CAMTA1: variants seen among roughly 807,000 people sequenced by gnomAD.
CAMTA1 encodes calmodulin binding transcription activator 1.
In CAMTA1, 27 loss-of-function variants were observed where a neutral mutation model predicts 170.9. That is an observed-to-expected ratio of 0.16 (90% confidence interval 0.12 to 0.22). The LOEUF is 0.22. Among genes scored for constraint, CAMTA1 ranks in the 10% least tolerant of loss-of-function variants. CAMTA1 has a pLI of 1.00. For missense variants in CAMTA1, 1,619 were observed against 2,217.2 expected (o/e 0.73, Z 5.42); for synonymous variants, 833 against 891.5 (o/e 0.93, Z 1.17).
chr1:7,369,452 C>T (rs1172570402), intron 5 of CAMTA1, among the ~76,000 whole-genome samples: 1 of 152,110 alleles, frequency 6.6e-6, no homozygotes, highest in Non-Finnish European at 1.5e-5. Flanking sequence ...GAAGGACTCA[C>T]AGAACTTGCT....
Position 7,249,167 on chromosome 1 carries a change from C to G in CAMTA1, c.303-324C>G, listed in dbSNP as rs562861744. On this transcript the variant is annotated intron_variant, in intron 4 of 22. Coordinates refer to ENST00000303635, the MANE Select transcript of CAMTA1 (RefSeq NM_015215.4). The surrounding 1 kb of genome is among the most constrained non-coding windows in gnomAD (Gnocchi z 4.4). The stretch of plus-strand genomic sequence containing the variant: ...CGACACCCCTGGCTCTTTTTGCTTT[C>G]TGTCTCTGTTTTGCCTACTTTTCAG... 6.6e-6 allele frequency among the ~76,000 whole-genome samples: 1 copy of G among 152,258 alleles called. No homozygotes were observed. The highest frequency in any genetic ancestry group is 2.1e-4 in the South Asian group (1 of 4,824).
intron 6 of CAMTA1, among the ~76,000 whole-genome samples, chr1:7,625,312 G>A (rs184997959): frequency 5.3e-5 from 8 of 152,376 alleles, no homozygotes; most frequent in Admixed American, 4.6e-4. Flanking sequence ...CAGGATGCCT[G>A]CCCGTCTCTC....
intron 4 of CAMTA1, among the ~76,000 whole-genome samples, chr1:7,099,125 T>G (rs1312186894): frequency 1.3e-5 from 2 of 151,236 alleles, no homozygotes; most frequent in East Asian, 3.9e-4. Context: ...CTCGGCTCAC[T>G]GCAACCTCCA....
At chr1:7,406,025 A>G (rs1162820449) in intron 5 of CAMTA1, among the ~76,000 whole-genome samples, 2 of 152,236 alleles carry the variant, frequency 1.3e-5, no homozygotes, top group Non-Finnish European at 2.9e-5. Flanking sequence ...GACTCACAGA[A>G]CACTCTGGAC....
intron 5 of CAMTA1, among the ~76,000 whole-genome samples, chr1:7,280,937 A>G (rs1671418314): frequency 6.6e-6 from 1 of 152,230 alleles, no homozygotes; most frequent in Admixed American, 6.5e-5. Context: ...CTGCTGAAAA[A>G]CAAAAACACA....
Position 7,319,095 on chromosome 1 carries a change from G to A in CAMTA1, c.438+69469G>A, listed in dbSNP as rs573607107. 1.3e-4 allele frequency among the ~76,000 whole-genome samples: 20 copies of A among 152,248 alleles called. No homozygotes were observed. The South Asian group carries it at 4.2e-3, about 32-fold the overall frequency. ...TGGAGTCCTCAGTCTAGGGGAGGGG[G>A]GAAGGCAGACACTGAATGACCAGCT... is the stretch of plus-strand genomic sequence containing the variant. On this transcript the variant is annotated intron_variant, in intron 5 of 22. Coordinates refer to ENST00000303635, the MANE Select transcript of CAMTA1 (RefSeq NM_015215.4).
intron 11 of CAMTA1, among the ~76,000 whole-genome samples, chr1:7,725,770 T>A (rs1401685935): frequency 6.6e-6 from 1 of 152,178 alleles, no homozygotes; most frequent in Non-Finnish European, 1.5e-5. Flanking sequence ...ACCAAAACTC[T>A]GGGAATAGGG....
intron 11 of CAMTA1, among the ~76,000 whole-genome samples, chr1:7,684,692 T>C (rs970712364): frequency 2.0e-5 from 3 of 152,246 alleles, no homozygotes; most frequent in Admixed American, 6.5e-5. Context: ...CTTAATGAAT[T>C]ACTAATTACA....
intron 4 of CAMTA1, among the ~76,000 whole-genome samples, chr1:7,206,615 T>C (rs1385075693): frequency 6.6e-6 from 1 of 152,232 alleles, no homozygotes; most frequent in Non-Finnish European, 1.5e-5. Flanking sequence ...TTCCATTGTA[T>C]AAATATATCA....
rs185821033 is a variant in CAMTA1, at chr1:7,626,476, C to G, written c.511-13924C>G. ...TAAACAGAAAGCCCACCAAACATCTCGGGACCCTACTCATAGTCAAGGTTG... is the reference window on the plus strand; with the variant it reads ...TAAACAGAAAGCCCACCAAACATCTGGGGACCCTACTCATAGTCAAGGTTG... On this transcript the variant is annotated intron_variant, in intron 6 of 22. Transcript: ENST00000303635. Among the ~76,000 whole-genome samples, 4 of 152,322 alleles carry G rather than the reference C, an allele frequency of 2.6e-5. No individual in the cohort carries two copies. The East Asian group carries it at 7.7e-4, about 29-fold the overall frequency.
At chr1:7,187,658 G>A (rs1481748224) in intron 4 of CAMTA1, among the ~76,000 whole-genome samples, 1 of 152,170 alleles carries the variant, frequency 6.6e-6, no homozygotes, top group South Asian at 2.1e-4. Flanking sequence ...AGGCACATCA[G>A]TTCACCTGCC....
Position 7,458,119 on chromosome 1 carries a change from T to G in CAMTA1, c.439-9711T>G, listed in dbSNP as rs367776396. Among the ~76,000 whole-genome samples, 51 of 152,286 alleles carry G rather than the reference T, an allele frequency of 3.3e-4. 1 individual carries two copies. In the South Asian group the frequency reaches 0.01, roughly 30 times the overall value. ...CCAGCTTTTTGACGTTTGCTGCCGT[T>G]CCTGGTTTCTATCTGCTCTTCAATC... On this transcript the variant is annotated intron_variant, in intron 5 of 22. Transcript: ENST00000303635.
chr1:7,700,372 G>A (rs1046542437), intron 11 of CAMTA1, among the ~76,000 whole-genome samples: 2 of 152,134 alleles, frequency 1.3e-5, no homozygotes, highest in African/African-American at 4.8e-5. Flanking sequence ...TACTGAATAT[G>A]CATCTTGCTC....
intron 5 of CAMTA1, among the ~76,000 whole-genome samples, chr1:7,465,060 T>C (rs1408358255): frequency 1.3e-5 from 2 of 152,196 alleles, no homozygotes; most frequent in Admixed American, 6.5e-5. Context: ...TGTAGAGCCA[T>C]TTTTCAAGGT....
intron 3 of CAMTA1, among the ~76,000 whole-genome samples, chr1:6,869,316 A>T (rs1461707426): frequency 6.6e-6 from 1 of 152,366 alleles, no homozygotes; most frequent in South Asian, 2.1e-4. Flanking sequence ...CCAGCCCTTG[A>T]TGGGGAGAGA....
intron 6 of CAMTA1, among the ~76,000 whole-genome samples, chr1:7,533,167 G>C (rs776867547): frequency 9.2e-5 from 14 of 152,156 alleles, no homozygotes; most frequent in Non-Finnish European, 2.1e-4. Context: ...TCCCCAGTCA[G>C]TCGGGGGGCA....
rs150422346 is a variant in CAMTA1, at chr1:7,109,109, C to T, written c.302+17738C>T. On this transcript the variant is annotated intron_variant, in intron 4 of 22. Coordinates refer to ENST00000303635, the MANE Select transcript of CAMTA1 (RefSeq NM_015215.4). Reference sequence around the variant, plus strand: ...ATCAGAGTGAGTTAGCAAGAGACTACGAGAGGGTGAGCAAGACAAAAGCCA... The same window carrying T: ...ATCAGAGTGAGTTAGCAAGAGACTATGAGAGGGTGAGCAAGACAAAAGCCA... Among the ~76,000 whole-genome samples the T allele has an allele frequency of 4.5e-3, 679 of 152,330 alleles. 3 individuals are homozygous for T. Among genetic ancestry groups the T allele is most frequent in the Non-Finnish European group, 6.8e-3 (466 of 68,032 alleles).
intron 4 of CAMTA1, among the ~76,000 whole-genome samples, chr1:7,200,194 T>A (rs576601341): frequency 1.3e-5 from 2 of 152,232 alleles, no homozygotes; most frequent in Non-Finnish European, 2.9e-5. Context: ...TGAAGTGGTG[T>A]ACATATGTAA....
At chr1:7,314,561 C>G (rs756279671) in intron 5 of CAMTA1, among the ~76,000 whole-genome samples, 1 of 152,206 alleles carries the variant, frequency 6.6e-6, no homozygotes, top group Non-Finnish European at 1.5e-5. Flanking sequence ...ACCTGAGTGT[C>G]TTAAATGATG....
Sources: allele counts gnomAD v4.1 joint callset (sites outside exome capture counted in the v4.1 genomes callset), GRCh38; gene constraint gnomAD v4.1.1; non-coding constraint Gnocchi (gnomAD v3.1); transcripts MANE v1.5; gene names NCBI Gene and HGNC (gene_info 2026-07-23, HGNC 2026-07-21).